Variants in CDH13 observed in about 807,000 individuals in gnomAD.
CDH13 encodes the protein cadherin 13.
CDH13 carries 24 observed loss-of-function variants against 63.8 expected under a neutral mutation model. That is an observed-to-expected ratio of 0.38 (90% CI 0.27 to 0.53). The LOEUF (loss-of-function observed/expected upper bound fraction) is 0.53, where lower values mean the gene tolerates loss of function less well. Ranked by LOEUF, CDH13 falls within the 20% of genes least tolerant of loss-of-function variation. CDH13 has a pLI of 0.85. For synonymous variants in CDH13, 503 were observed against 355.3 expected, an observed-to-expected ratio of 1.42 and a Z score of -4.67; for missense variants, 1,049 against 903.1, an observed-to-expected ratio of 1.16 and a Z score of -2.07.
chr16:82,871,929 T>C (rs2040356043), intron 2 of CDH13, among the ~76,000 whole-genome samples: 1 of 152,206 alleles, frequency 6.6e-6, no homozygotes, highest in South Asian at 2.1e-4. Flanking sequence ...TTCCAGCAAA[T>C]ATCTCAAGGC....
At chr16:82,848,273 C>A (rs906925710) in intron 1 of CDH13, among the ~76,000 whole-genome samples, 1 of 152,158 alleles carries the variant, frequency 6.6e-6, no homozygotes, top group South Asian at 2.1e-4. Flanking sequence ...AGCAGCCAGG[C>A]TTGCAGAGAA....
At chr16:83,251,665 C>T (rs1038566424) in intron 5 of CDH13, among the ~76,000 whole-genome samples, 5 of 152,218 alleles carry the variant, frequency 3.3e-5, no homozygotes, top group African/African-American at 7.2e-5. Flanking sequence ...TGGCCATTGG[C>T]GTAGGCCTTC....
chr16:83,375,076 T>C (rs190952107), intron 6 of CDH13, among the ~76,000 whole-genome samples: 96 of 152,326 alleles, frequency 6.3e-4, no homozygotes, highest in African/African-American at 2.2e-3. Context: ...TCTTTAAGTT[T>C]CTTTAATTCT....
rs146354189 is a variant in CDH13, at chr16:83,002,979, C to G, written c.158-29031C>G. ...TGTTTTACGACATTCTTGCAAAAGCCTGGAGAGGTAGGTAACAAAATTCCC... is the reference window on the plus strand; with the variant it reads ...TGTTTTACGACATTCTTGCAAAAGCGTGGAGAGGTAGGTAACAAAATTCCC... On this transcript the variant is annotated intron_variant, in intron 2 of 13. Coordinates refer to ENST00000567109, the MANE Select transcript of CDH13 (RefSeq NM_001257.5). Among the ~76,000 whole-genome samples the G allele has an allele frequency of 2.0e-5, 3 of 152,300 alleles. No individual in the cohort carries two copies. The East Asian group carries it at 5.8e-4, about 29-fold the overall frequency.
intron 3 of CDH13, among the ~76,000 whole-genome samples, chr16:83,032,756 A>G (rs1028282490): frequency 2.0e-5 from 3 of 152,168 alleles, no homozygotes; most frequent in African/African-American, 7.2e-5. Context: ...TCTCGGTCAC[A>G]TTTCTTTTCC....
intron 2 of CDH13, among the ~76,000 whole-genome samples, chr16:83,016,100 G>C (rs1196833751): frequency 2.0e-5 from 3 of 152,138 alleles, no homozygotes; most frequent in Non-Finnish European, 4.4e-5. Flanking sequence ...ACTGGAGCTA[G>C]AGATGATGCC....
At chr16:83,081,149 G>C (rs1204612783) in intron 3 of CDH13, among the ~76,000 whole-genome samples, 2 of 151,916 alleles carry the variant, frequency 1.3e-5, no homozygotes, top group Admixed American at 1.3e-4. Context: ...CCAAAATGCT[G>C]GGATTATAAG....
intron 1 of CDH13, among the ~76,000 whole-genome samples, chr16:82,670,699 C>G (rs1597275710): frequency 6.6e-6 from 1 of 152,118 alleles, no homozygotes; most frequent in South Asian, 2.1e-4. Context: ...GGGTATGAAA[C>G]TTATAGACAC....
chr16:82,950,319 A>T (rs911690177), intron 2 of CDH13, among the ~76,000 whole-genome samples: 3 of 152,106 alleles, frequency 2.0e-5, no homozygotes, highest in Non-Finnish European at 4.4e-5. Flanking sequence ...CTCTGAGTCC[A>T]AATCTCCCAT....
intron 2 of CDH13, among the ~76,000 whole-genome samples, chr16:82,925,157 CCT>C (rs1177214247): frequency 1.3e-5 from 2 of 152,134 alleles, no homozygotes; most frequent in African/African-American, 4.8e-5. Context: ...AGCCCCTGGC[CCT>C]CTGTCAGGGG....
intron 7 of CDH13, among the ~76,000 whole-genome samples, chr16:83,521,749 A>T (rs1465820600): frequency 6.6e-6 from 1 of 152,196 alleles, no homozygotes; most frequent in African/African-American, 2.4e-5. Flanking sequence ...ACCTGGGTGC[A>T]TGGAACCAGC....
In CDH13 at chr16:83,678,261, T is replaced by C. The variant is rs1915127131; in HGVS notation, c.1338T>C (p.Asn446=). Reference sequence around the variant, plus strand: ...ACACCCTGCTGATCAAAGTGGAAAATGAAGACCCACTCGTACCCGACGTCT... The same window carrying C: ...ACACCCTGCTGATCAAAGTGGAAAACGAAGACCCACTCGTACCCGACGTCT... ...AFHTLLIKVE[N]EDPLVPDVSY... Residue 446 remains asparagine, a synonymous_variant, in exon 10 of 14, where the codon AAT becomes AAC. Coordinates refer to ENST00000567109, the MANE Select transcript of CDH13 (RefSeq NM_001257.5). The C allele has an allele frequency of 6.2e-7, 1 of 1,613,714 alleles. No homozygotes were observed. The highest frequency in any genetic ancestry group is 1.3e-5 in the African/African-American group (1 of 74,854).
At chr16:83,304,363 G>T (rs1450634315) in intron 5 of CDH13, among the ~76,000 whole-genome samples, 1 of 152,188 alleles carries the variant, frequency 6.6e-6, no homozygotes, top group Non-Finnish European at 1.5e-5. Flanking sequence ...ATTTTAGAAG[G>T]AGTCTGAATG....
intron 3 of CDH13, among the ~76,000 whole-genome samples, chr16:83,067,430 T>G (rs2032102903): frequency 6.6e-6 from 1 of 152,214 alleles, no homozygotes; most frequent in Admixed American, 6.5e-5. Context: ...TATCAAGGAC[T>G]CAATGACAGC....
intron 2 of CDH13, among the ~76,000 whole-genome samples, chr16:82,869,086 A>T (rs2040253869): frequency 6.6e-6 from 1 of 152,082 alleles, no homozygotes; most frequent in Non-Finnish European, 1.5e-5. Context: ...TCTCCCTGTT[A>T]CCCAGGCTGG....
At chr16:83,000,541 C>T (rs1447524823) in intron 2 of CDH13, among the ~76,000 whole-genome samples, 1 of 149,990 alleles carries the variant, frequency 6.7e-6, no homozygotes, top group Non-Finnish European at 1.5e-5. Context: ...AGCCACCTCA[C>T]CCGACCCCAA....
intron 5 of CDH13, among the ~76,000 whole-genome samples, chr16:83,337,793 T>A (rs2090632295): frequency 6.6e-6 from 1 of 152,010 alleles, no homozygotes. Flanking sequence ...TAGCTTCATG[T>A]GTATTAATAA....
At chr16:83,137,145 C>A (rs775541586) in intron 4 of CDH13, among the ~76,000 whole-genome samples, 10 of 152,218 alleles carry the variant, frequency 6.6e-5, no homozygotes, top group Non-Finnish European at 1.2e-4. Flanking sequence ...CCCACCTGTT[C>A]ACCCCGGGTT....
At position 83,047,549 on chromosome 16, in the gene CDH13, A is replaced by T. The variant is rs1917912502; in HGVS notation, c.366+15331A>T. 6.6e-6 allele frequency among the ~76,000 whole-genome samples: 1 copy of T among 152,142 alleles called. No homozygotes were observed. Among genetic ancestry groups the T allele is most frequent in the African/African-American group, 2.4e-5 (1 of 41,398 alleles). On this transcript the variant is annotated intron_variant, in intron 3 of 13. Coordinates refer to ENST00000567109, the MANE Select transcript of CDH13 (RefSeq NM_001257.5). The surrounding 1 kb of genome is among the most constrained non-coding windows in gnomAD (Gnocchi z 4.9). ...GATAAGAAAGAAGACCTAAAAACTG[A>T]ATTTTTAAAATACAAACAGAAAAAA... is the stretch of plus-strand genomic sequence containing the variant.
Sources: gnomAD v4.1 joint callset for allele counts (sites outside exome capture counted in the v4.1 genomes callset) on GRCh38, gnomAD v4.1.1 for gene constraint, Gnocchi (gnomAD v3.1) non-coding constraint, MANE v1.5 for transcripts, NCBI Gene and HGNC (gene_info 2026-07-23, HGNC 2026-07-21) for gene names.